The following RBFOX1 variants were observed in gnomAD, a reference collection of about 807,000 sequenced individuals.
RBFOX1 encodes the protein RNA binding fox-1 homolog 1.
RBFOX1 carries 8 observed loss-of-function variants against 57.7 expected under a neutral mutation model. The observed-to-expected ratio is 0.14, with a 90% CI of 0.08 to 0.25. The LOEUF (loss-of-function observed/expected upper bound fraction) is 0.25, where lower values mean the gene tolerates loss of function less well. Among genes scored for constraint, RBFOX1 ranks in the 10% least tolerant of loss-of-function variants. RBFOX1 has a pLI of 1.00. For synonymous variants in RBFOX1, 326 were observed against 222.4 expected, an observed-to-expected ratio of 1.47 and a Z score of -4.15; for missense variants, 611 against 548.5, an observed-to-expected ratio of 1.11 and a Z score of -1.14.
At chr16:6,566,713 T>C (rs2097271701) in intron 2 of RBFOX1, among the ~76,000 whole-genome samples, 1 of 152,208 alleles carries the variant, frequency 6.6e-6, no homozygotes, top group African/African-American at 2.4e-5. Context: ...TTTTCATCTT[T>C]ACTGTTCCTG....
intron 1 of RBFOX1, among the ~76,000 whole-genome samples, chr16:6,242,006 G>T (rs1420025): frequency 0.61 from 92,623 of 151,990 alleles, 29,522 homozygotes; most frequent in East Asian, 0.8. Flanking sequence ...TTCATATTTT[G>T]CATGTAGTTA....
At chr16:7,060,298 A>G (rs1188971969) in intron 4 of RBFOX1, among the ~76,000 whole-genome samples, 3 of 152,152 alleles carry the variant, frequency 2.0e-5, no homozygotes, top group Non-Finnish European at 1.5e-5. Flanking sequence ...TAGTTAGCCA[A>G]CCCCTGCTGG....
intron 4 of RBFOX1, among the ~76,000 whole-genome samples, chr16:5,899,063 C>T (rs537138208): frequency 1.3e-5 from 2 of 150,632 alleles, no homozygotes; most frequent in African/African-American, 2.5e-5. Flanking sequence ...CCTGCCTCCC[C>T]TCTCTTATTC....
chr16:5,303,983 A>T (rs2063868982), intron 1 of RBFOX1, among the ~76,000 whole-genome samples: 1 of 152,106 alleles, frequency 6.6e-6, no homozygotes, highest in African/African-American at 2.4e-5. Flanking sequence ...ACTTTTCTCT[A>T]TGTTTTTTTA....
intron 4 of RBFOX1, among the ~76,000 whole-genome samples, chr16:7,096,628 A>C (rs1430693239): frequency 3.3e-5 from 5 of 152,090 alleles, no homozygotes; most frequent in African/African-American, 1.2e-4. Flanking sequence ...GAGTGGACTT[A>C]GCCCCAGTAA....
chr16:6,422,855 C>G (rs1355451575), intron 2 of RBFOX1, among the ~76,000 whole-genome samples: 2 of 152,152 alleles, frequency 1.3e-5, no homozygotes, highest in Non-Finnish European at 2.9e-5. Context: ...TTGGCAAGGA[C>G]AGAGATCCAA....
intron 4 of RBFOX1, among the ~76,000 whole-genome samples, chr16:7,470,050 A>AT (rs1359817928): frequency 3.3e-5 from 5 of 151,262 alleles, no homozygotes; most frequent in African/African-American, 1.2e-4. Context: ...ACATTGCATA[A>AT]TATTCCATTG....
At chr16:7,453,900 G>C (rs2057931049) in intron 4 of RBFOX1, among the ~76,000 whole-genome samples, 1 of 152,164 alleles carries the variant, frequency 6.6e-6, no homozygotes, top group Non-Finnish European at 1.5e-5. Flanking sequence ...CGCAAAGAAG[G>C]AGTGGAGGAA....
Position 7,713,135 on chromosome 16 carries a change from A to G in RBFOX1, c.*2390A>G, listed in dbSNP as rs937016339. On this transcript the variant is annotated 3_prime_UTR_variant, in exon 16 of 16. Transcript: ENST00000550418. ...ATTTGGAATGTTTTCATTTATCTAA[A>G]TAACTATTGCTATTATGAATTATGG... The G allele has an allele frequency of 6.6e-6, 1 of 152,326 alleles. No individual in the cohort carries two copies. The highest frequency in any genetic ancestry group is 1.9e-4 in the East Asian group (1 of 5,190). The allele number at this position is 152,326 out of a possible 1,614,324, so 9.4% of individuals were successfully genotyped here.
chr16:6,874,687 T>A (rs1034144320), intron 3 of RBFOX1, among the ~76,000 whole-genome samples: 1 of 152,006 alleles, frequency 6.6e-6, no homozygotes, highest in Non-Finnish European at 1.5e-5. Flanking sequence ...TGTGTTAATA[T>A]ACTAACATAT....
chr16:6,804,550 A>G (rs1423172327), intron 3 of RBFOX1, among the ~76,000 whole-genome samples: 1 of 152,164 alleles, frequency 6.6e-6, no homozygotes, highest in Non-Finnish European at 1.5e-5. Context: ...TTGGACTCTA[A>G]ATATTGTATG....
At chr16:7,299,510 A>T (rs74983683) in intron 4 of RBFOX1, among the ~76,000 whole-genome samples, 1 of 152,174 alleles carries the variant, frequency 6.6e-6, no homozygotes, top group Admixed American at 6.5e-5. Context: ...ATGCAAAGCA[A>T]TTGCTGCTGA....
rs143711732 is a variant in RBFOX1 at position 6,817,392 on chromosome 16, C to A, written c.-16+162742C>A. 3.3e-5 allele frequency among the ~76,000 whole-genome samples: 5 copies of A among 152,118 alleles called. No individual in the cohort carries two copies. The South Asian group carries it at 8.3e-4, about 25-fold the overall frequency. ...TTAGTGTCTCATGGTAGAAATAATT[C>A]AGTTTTAAAATTAACTTTTAGCTGG... On this transcript the variant is annotated intron_variant, in intron 3 of 15. Transcript: ENST00000550418.
chr16:7,676,968 C>A, intron 14 of RBFOX1, 130 bp downstream of exon 14: 1 of 844,868 alleles, frequency 1.2e-6, no homozygotes, highest in Non-Finnish European at 1.9e-6. Context: ...AAGTTAGGTC[C>A]CATGGTGAAC....
At chr16:6,113,550 C>G (rs1029058656) in intron 1 of RBFOX1, among the ~76,000 whole-genome samples, 1 of 152,176 alleles carries the variant, frequency 6.6e-6, no homozygotes, top group Non-Finnish European at 1.5e-5. Flanking sequence ...CACAGAGACA[C>G]AGCTCTTGAA....
At chr16:7,571,584 C>T (rs1235200450) in intron 5 of RBFOX1, among the ~76,000 whole-genome samples, 2 of 152,120 alleles carry the variant, frequency 1.3e-5, no homozygotes, top group Admixed American at 6.5e-5. Flanking sequence ...TAACCTGCGC[C>T]GATACCTGGG....
In RBFOX1 at chr16:6,813,328, T is replaced by A. The variant is rs549703450; in HGVS notation, c.-16+158678T>A. On this transcript the variant is annotated intron_variant, in intron 3 of 15. Coordinates refer to ENST00000550418, the MANE Select transcript of RBFOX1 (RefSeq NM_018723.4). ...ACCCTCTTCGTTTCTAGCCTCCAGT[T>A]GACCACATTCATGTAACTGCCTTCA... Among the ~76,000 whole-genome samples the A allele has an allele frequency of 2.0e-5, 3 of 152,322 alleles. No homozygotes were observed. In the South Asian group the frequency reaches 6.2e-4, roughly 32 times the overall value.
intron 4 of RBFOX1, among the ~76,000 whole-genome samples, chr16:7,246,633 C>CTTTTTTTTTTT (rs56654382): frequency 2.8e-5 from 3 of 105,478 alleles, no homozygotes; most frequent in South Asian, 3.3e-4. Context: ...TGGTCACCTC[C>CTTTTTTTTTTT]TTTTTTTTTT....
At chr16:6,317,448 T>C (rs2081250685) in intron 2 of RBFOX1, among the ~76,000 whole-genome samples, 1 of 152,072 alleles carries the variant, frequency 6.6e-6, no homozygotes, top group African/African-American at 2.4e-5. Context: ...CAAACACAGA[T>C]CAGTTACCGA....
Sources: allele counts gnomAD v4.1 joint callset (sites outside exome capture counted in the v4.1 genomes callset), GRCh38; gene constraint gnomAD v4.1.1; transcripts MANE v1.5; gene names NCBI Gene and HGNC (gene_info 2026-07-23, HGNC 2026-07-21).